COL5A2: variants seen among roughly 807,000 people sequenced by gnomAD.
The protein encoded by COL5A2 is collagen type V alpha 2 chain.
A neutral mutation model predicts 208.2 loss-of-function variants in COL5A2; 23 were observed. The observed-to-expected ratio is 0.11, with a 90% CI of 0.08 to 0.16. The LOEUF is 0.16. Ranked by LOEUF, COL5A2 falls within the 10% of genes least tolerant of loss-of-function variation. The pLI, the probability that COL5A2 is intolerant of heterozygous loss-of-function variation, is 1.00. For missense variants in COL5A2, 1,590 were observed against 1,956.4 expected, an observed-to-expected ratio of 0.81 and a Z score of 3.53; for synonymous variants, 625 against 628.5, an observed-to-expected ratio of 0.99 and a Z score of 0.08.
intron 24 of COL5A2, 37 bp from the exon 25 acceptor site, chr2:189,064,692 G>T: frequency 7.1e-7 from 1 of 1,407,894 alleles, no homozygotes; most frequent in Non-Finnish European, 1.0e-6. Flanking sequence ...AAGAAAAAGA[G>T]TATAGAAAAA....
At chr2:189,361,971 T>C in the COL5A2 span, among the ~76,000 whole-genome samples, 1 of 152,168 alleles carries the variant, frequency 6.6e-6, no homozygotes, top group South Asian at 2.1e-4. Context: ...GCCTATCTCT[T>C]AGCCAATTGT....
intron 1 of COL5A2, among the ~76,000 whole-genome samples, chr2:189,122,347 TG>T (rs1004582831): frequency 6.6e-6 from 1 of 151,980 alleles, no homozygotes; most frequent in African/African-American, 2.4e-5. Flanking sequence ...TTTGAGGTGG[TG>T]GGGGTAAGGA....
chr2:189,072,082 C>T lies in COL5A2; in HGVS notation c.1116G>A (p.Gly372=). The T allele has an allele frequency of 6.2e-7, 1 of 1,607,818 alleles. No individual in the cohort carries two copies. The highest frequency in any genetic ancestry group is 8.5e-7 in the Non-Finnish European group (1 of 1,175,628). Residue 372 remains glycine (G), a synonymous_variant, in exon 18 of 54, where the codon GGG becomes GGA. Coordinates refer to ENST00000374866, the MANE Select transcript of COL5A2 (RefSeq NM_000393.5). ...CTGGAAAACCAGAAGAGCCTGGTAT[C>T]CCAAGAGGACCCTATTAAAAGAAAC... ...PGKPGPMGPL[G]IPGSSGFPGN...
At chr2:189,301,149 T>C in the COL5A2 span, among the ~76,000 whole-genome samples, 9 of 152,194 alleles carry the variant, frequency 5.9e-5, no homozygotes, top group Middle Eastern at 3.4e-3. Context: ...ATCATGCCAC[T>C]TCACTCCAGC....
intron 6 of COL5A2, among the ~76,000 whole-genome samples, chr2:189,093,927 G>C (rs543488993): frequency 1.8e-4 from 27 of 152,170 alleles, no homozygotes; most frequent in Non-Finnish European, 3.5e-4. Context: ...GCAATGCTCA[G>C]TTGCTAATTA....
intron 26 of COL5A2, 32 bp from the exon 27 acceptor site, chr2:189,063,302 A>T: frequency 6.4e-7 from 1 of 1,572,600 alleles, no homozygotes; most frequent in Non-Finnish European, 8.7e-7. Context: ...TGTAAGTTTC[A>T]TGTAAGTTGT....
the COL5A2 span, among the ~76,000 whole-genome samples, chr2:189,238,159 A>C: frequency 0.59 from 88,870 of 150,908 alleles, 27,576 homozygotes; most frequent in East Asian, 0.72. Context: ...AGAATTTTGC[A>C]TTGCTCCAAT....
the COL5A2 span, among the ~76,000 whole-genome samples, chr2:189,427,286 C>T: frequency 6.6e-6 from 1 of 152,244 alleles, no homozygotes; most frequent in Non-Finnish European, 1.5e-5. Flanking sequence ...ACCTTGGTAG[C>T]TTCCACATGG....
At chr2:189,154,389 A>G (rs1688203915) in intron 1 of COL5A2, among the ~76,000 whole-genome samples, 1 of 152,208 alleles carries the variant, frequency 6.6e-6, no homozygotes, top group African/African-American at 2.4e-5. Flanking sequence ...CGCTAGGAGA[A>G]TCATAATTCA....
the COL5A2 span, among the ~76,000 whole-genome samples, chr2:189,276,369 C>T: frequency 6.6e-6 from 1 of 152,140 alleles, no homozygotes. Flanking sequence ...TGTCATAATA[C>T]TTACTGGATT....
At chr2:189,102,867 T>C (rs1687074298) in intron 3 of COL5A2, among the ~76,000 whole-genome samples, 1 of 152,104 alleles carries the variant, frequency 6.6e-6, no homozygotes, top group Admixed American at 6.6e-5. Flanking sequence ...TGATGATACC[T>C]GATGACAAAT....
the COL5A2 span, among the ~76,000 whole-genome samples, chr2:189,262,635 T>G: frequency 6.6e-6 from 1 of 152,126 alleles, no homozygotes; most frequent in Non-Finnish European, 1.5e-5. Flanking sequence ...TTTCAGAACA[T>G]ATAACTTACA....
At chr2:189,229,492 T>G (rs938382134), upstream of COL5A2, among the ~76,000 whole-genome samples, 10 of 150,240 alleles carry the variant, frequency 6.7e-5, no homozygotes, top group African/African-American at 2.4e-4. Context: ...AGTTCCAGGA[T>G]ACAAAAATCA....
intron 1 of COL5A2, among the ~76,000 whole-genome samples, chr2:189,160,348 G>A (rs917141731): frequency 1.3e-5 from 2 of 152,132 alleles, no homozygotes; most frequent in Non-Finnish European, 2.9e-5. Context: ...TAGACCACTA[G>A]CCAACTCAGA....
chr2:189,068,073 G>A lies in COL5A2; in HGVS notation c.1343C>T (p.Pro448Leu), dbSNP rs757674141. Residue 448 changes from proline to leucine, a missense_variant, in exon 21 of 54, where the codon CCT (proline) becomes CTT (leucine). Coordinates refer to ENST00000374866, the MANE Select transcript of COL5A2 (RefSeq NM_000393.5). ...GTSGPPGSAG[P>L]PGSPGPQGST... is the part of the protein sequence containing the mutation. ...ACCCTGAGGTCCTGGAGATCCAGGA[G>A]GCCCTGCTGAGCCAGGAGGACCAGA... 13 of 1,613,918 alleles carry A rather than the reference G, an allele frequency of 8.1e-6. No individual in the cohort carries two copies. Among genetic ancestry groups the A allele is most frequent in the Non-Finnish European group, 8.5e-6 (10 of 1,179,976 alleles).
chr2:189,157,133 T>TATATCTATATATAGATATATCG (rs1688266705), intron 1 of COL5A2, among the ~76,000 whole-genome samples: 18 of 82,832 alleles, frequency 2.2e-4, no homozygotes, highest in African/African-American at 5.9e-4. Flanking sequence ...TCTATCTATA[T>TATATCTATATATAGATATATCG]ATATATCTAT....
intron 1 of COL5A2, among the ~76,000 whole-genome samples, chr2:189,178,073 T>C (rs571396220): frequency 1.3e-5 from 2 of 152,246 alleles, no homozygotes; most frequent in East Asian, 1.9e-4. Context: ...CTACTTTCTA[T>C]TCAATTATTT....
upstream of COL5A2, among the ~76,000 whole-genome samples, chr2:189,183,743 G>A (rs1170316428): frequency 6.6e-6 from 1 of 152,044 alleles, no homozygotes; most frequent in Non-Finnish European, 1.5e-5. Context: ...TAAGAAAGCT[G>A]ACTCCCAGTT....
At chr2:189,267,577 A>C in the COL5A2 span, among the ~76,000 whole-genome samples, 1 of 152,176 alleles carries the variant, frequency 6.6e-6, no homozygotes, top group Middle Eastern at 3.2e-3. Flanking sequence ...ATTTTTAAAA[A>C]GCAATAGAAT....
Sources: allele counts gnomAD v4.1 joint callset (sites outside exome capture counted in the v4.1 genomes callset), GRCh38; gene constraint gnomAD v4.1.1; transcripts MANE v1.5; gene names NCBI Gene and HGNC (gene_info 2026-07-23, HGNC 2026-07-21).